Variants in JARID2 observed in about 807,000 individuals in gnomAD.
JARID2 encodes the protein protein Jumonji.
In JARID2, 21 loss-of-function variants were observed where a neutral mutation model predicts 125.6. That is an observed-to-expected ratio of 0.17 (90% CI 0.12 to 0.24). The LOEUF (loss-of-function observed/expected upper bound fraction) is 0.24. JARID2 is among the 10% of genes least tolerant of loss of function. The pLI, the probability that JARID2 is intolerant of heterozygous loss-of-function variation, is 1.00. For synonymous variants in JARID2, 736 were observed against 661.6 expected, an observed-to-expected ratio of 1.11 and a Z score of -1.73; for missense variants, 1,303 against 1,639.6, an observed-to-expected ratio of 0.79 and a Z score of 3.55.
At chr6:15,454,568 C>G (rs994927723) in intron 4 of JARID2, among the ~76,000 whole-genome samples, 5 of 152,114 alleles carry the variant, frequency 3.3e-5, no homozygotes, top group African/African-American at 1.2e-4. Context: ...GCCTCGACCT[C>G]CTGGGCTCAA....
At chr6:15,392,271 T>G (rs887545497) in intron 2 of JARID2, among the ~76,000 whole-genome samples, 4 of 152,178 alleles carry the variant, frequency 2.6e-5, no homozygotes, top group African/African-American at 9.7e-5. Context: ...AGTTTTTAGT[T>G]TTCTGAATAA....
intron 1 of JARID2, among the ~76,000 whole-genome samples, chr6:15,258,826 C>T (rs1561751602): frequency 6.6e-6 from 1 of 152,130 alleles, no homozygotes. Context: ...CTATTTAGAC[C>T]ATGTTATTAT....
intron 1 of JARID2, among the ~76,000 whole-genome samples, chr6:15,256,438 G>A (rs1297984003): frequency 1.3e-5 from 2 of 152,176 alleles, no homozygotes; most frequent in Non-Finnish European, 2.9e-5. Flanking sequence ...ATCTGTGCAC[G>A]AAGATGTTTA....
intron 3 of JARID2, among the ~76,000 whole-genome samples, chr6:15,433,542 T>C (rs1767062585): frequency 6.6e-6 from 1 of 151,994 alleles, no homozygotes; most frequent in South Asian, 2.1e-4. Context: ...TGTAAGCAAC[T>C]TATTAGAGCA....
At chr6:15,277,778 C>CAAAA (rs541398012) in intron 1 of JARID2, among the ~76,000 whole-genome samples, 1 of 83,772 alleles carries the variant, frequency 1.2e-5, no homozygotes. Context: ...GCCAAGTCTG[C>CAAAA]AAAAAAAAAA....
intron 1 of JARID2, among the ~76,000 whole-genome samples, chr6:15,333,706 T>C (rs1762791250): frequency 6.6e-6 from 1 of 152,250 alleles, no homozygotes; most frequent in Non-Finnish European, 1.5e-5. Flanking sequence ...TGAAAAAAAT[T>C]ACATTGTATG....
At chr6:15,356,008 C>T (rs1302050813) in intron 1 of JARID2, among the ~76,000 whole-genome samples, 1 of 152,174 alleles carries the variant, frequency 6.6e-6, no homozygotes, top group Non-Finnish European at 1.5e-5. Flanking sequence ...CTCTGGCAGC[C>T]AGCAATGTAT....
At position 15,496,472 on chromosome 6, in the gene JARID2, A is replaced by C; in HGVS notation, c.1247A>C (p.Lys416Thr). 1 of 1,612,878 alleles carries C rather than the reference A, an allele frequency of 6.2e-7. No individual in the cohort carries two copies. Among genetic ancestry groups the C allele is most frequent in the Non-Finnish European group, 8.5e-7 (1 of 1,179,476 alleles). Residue 416 changes from lysine to threonine, a missense_variant, in exon 7 of 18, where the codon AAG becomes ACG. Physicochemically the swap from Lys to Thr is moderately conservative, Grantham distance 78. Transcript: ENST00000341776. ...GLKVSGRLNP[K>T]SCTKEVGGRQ... ...AAGGTCAGTGGCAGGTTGAACCCAA[A>C]GTCATGCACTAAGGAGGTGGGGGGG...
At chr6:15,506,473 G>A (rs1771011323) in intron 9 of JARID2, among the ~76,000 whole-genome samples, 1 of 152,186 alleles carries the variant, frequency 6.6e-6, no homozygotes, top group Non-Finnish European at 1.5e-5. Flanking sequence ...TATGATGCTG[G>A]GGGCTTATGA....
At chr6:15,473,485 A>T (rs572078174) in intron 5 of JARID2, among the ~76,000 whole-genome samples, 7 of 114,448 alleles carry the variant, frequency 6.1e-5, no homozygotes, top group African/African-American at 2.3e-4. Flanking sequence ...TACCTGGGTG[A>T]CTTGTCTCCC....
intron 1 of JARID2, among the ~76,000 whole-genome samples, chr6:15,304,300 TGA>T (rs1761734960): frequency 1.7e-5 from 1 of 57,440 alleles, no homozygotes; most frequent in Non-Finnish European, 3.7e-5. Context: ...CATAATTTGC[TGA>T]TCCCCCCCCC....
chr6:15,350,979 T>A (rs1308339798), intron 1 of JARID2, among the ~76,000 whole-genome samples: 1 of 151,492 alleles, frequency 6.6e-6, no homozygotes, highest in Non-Finnish European at 1.5e-5. Flanking sequence ...CACATCCTTG[T>A]ACTGAAAGAG....
chr6:15,411,298 T>A (rs1765864851), intron 3 of JARID2, among the ~76,000 whole-genome samples: 1 of 152,216 alleles, frequency 6.6e-6, no homozygotes, highest in Non-Finnish European at 1.5e-5. Flanking sequence ...GAGTGAAAAA[T>A]TAAGAGAAAA....
chr6:15,455,502 C>T (rs1436153801), intron 4 of JARID2, among the ~76,000 whole-genome samples: 1 of 152,080 alleles, frequency 6.6e-6, no homozygotes, highest in Non-Finnish European at 1.5e-5. Context: ...GTATCCTTTT[C>T]TAAATATGCA....
chr6:15,503,995 C>G (rs1172496631), intron 8 of JARID2, among the ~76,000 whole-genome samples: 2 of 152,248 alleles, frequency 1.3e-5, no homozygotes, highest in Non-Finnish European at 2.9e-5. Flanking sequence ...GGCTGCTGCC[C>G]TGGCAGGTGT....
chr6:15,327,515 T>G (rs1762569555), intron 1 of JARID2, among the ~76,000 whole-genome samples: 1 of 146,766 alleles, frequency 6.8e-6, no homozygotes, highest in South Asian at 2.3e-4. Context: ...TGCCATCCCT[T>G]CCATTCTGGA....
chr6:15,380,757 TG>T (rs1468977292), intron 2 of JARID2, among the ~76,000 whole-genome samples: 1 of 152,142 alleles, frequency 6.6e-6, no homozygotes, highest in Non-Finnish European at 1.5e-5. Context: ...TTGATGTGTG[TG>T]GAATGAAATG....
intron 4 of JARID2, among the ~76,000 whole-genome samples, chr6:15,465,120 C>A (rs879911123): frequency 6.6e-6 from 1 of 152,170 alleles, no homozygotes; most frequent in Non-Finnish European, 1.5e-5. Context: ...TAAAACAAAT[C>A]CATTCATAAT....
intron 4 of JARID2, among the ~76,000 whole-genome samples, chr6:15,453,948 G>A (rs1287841577): frequency 6.6e-6 from 1 of 152,128 alleles, no homozygotes; most frequent in Non-Finnish European, 1.5e-5. Context: ...TGGGAACTAT[G>A]GGAATGTCAT....
Sources: allele counts gnomAD v4.1 joint callset (sites outside exome capture counted in the v4.1 genomes callset), GRCh38; gene constraint gnomAD v4.1.1; transcripts MANE v1.5; gene names NCBI Gene and HGNC (gene_info 2026-07-23, HGNC 2026-07-21).